Variants in SVIL observed in about 807,000 individuals in gnomAD.
SVIL encodes the protein supervillin.
SVIL carries 101 observed loss-of-function variants against 240.4 expected under a neutral mutation model. The ratio of observed to expected loss-of-function variants is 0.42; its 90% confidence interval spans 0.36 to 0.50. The LOEUF (loss-of-function observed/expected upper bound fraction) is 0.50. Ranked by LOEUF, SVIL falls within the 20% of genes least tolerant of loss-of-function variation. The probability of loss-of-function intolerance (pLI) is 0.01; values close to 1 mark genes in which losing one functional copy is unlikely to be tolerated. For missense variants in SVIL, 2,512 were observed against 2,818.7 expected (o/e 0.89, Z 2.46); for synonymous variants, 999 against 1,100.0 (o/e 0.91, Z 1.82).
intron 22 of SVIL, among the ~76,000 whole-genome samples, chr10:29,490,466 A>G (rs906360255): frequency 5.3e-5 from 8 of 152,062 alleles, no homozygotes; most frequent in Non-Finnish European, 7.4e-5. Context: ...GGTAATTTGT[A>G]ACCGGGTGCG....
At chr10:29,654,687 T>G (rs375226906) in intron 3 of SVIL, among the ~76,000 whole-genome samples, 14 of 152,238 alleles carry the variant, frequency 9.2e-5, no homozygotes, top group African/African-American at 2.9e-4. Flanking sequence ...CCACAACCGG[T>G]TGTCCTCAAG....
chr10:29,493,427 T>C (rs761880347), intron 20 of SVIL, 36 bp from the exon 21 acceptor site: 4 of 1,608,980 alleles, frequency 2.5e-6, no homozygotes, highest in African/African-American at 1.3e-5. Context: ...AAGAGTTTTA[T>C]AAAAACAAGG....
chr10:29,572,813 T>G (rs1564659817), intron 1 of SVIL, among the ~76,000 whole-genome samples: 1 of 148,188 alleles, frequency 6.7e-6, no homozygotes, highest in Non-Finnish European at 1.5e-5. Context: ...AATAGAGAGA[T>G]AGGATGAAAT....
chr10:29,543,230 C>A (rs542172835), intron 6 of SVIL, among the ~76,000 whole-genome samples: 2 of 152,220 alleles, frequency 1.3e-5, no homozygotes, highest in South Asian at 2.1e-4. Context: ...AGAGAAGTTA[C>A]CAAAACACAA....
rs4749434 is a variant in SVIL, at chr10:29,468,107, C to T, written c.5844-232G>A. Among the ~76,000 whole-genome samples, 42,672 of 152,024 alleles carry T rather than the reference C, an allele frequency of 0.28. 6,445 individuals carry two copies. The highest frequency in any genetic ancestry group is 0.54 in the East Asian group (2,796 of 5,170). ...CTCCCGGAAGAAGAAGCCCTGTACC[C>T]GTTAGCAGTCACTCCGCATTTCCCC... On this transcript the variant is annotated intron_variant, in intron 32 of 37. Transcript: ENST00000355867.
chr10:29,524,016 T>C lies in SVIL; in HGVS notation c.2598A>G (p.Gly866=), dbSNP rs1325349913. ...TLGEVEQVQS[G]KLIPFSPAVN... is the part of the protein sequence containing the mutation. ...CGGCAGGTGAGAAAGGAATGAGCTT[T>C]CCACTCTGCACCTGGAAGGACACAG... The change falls in exon 15 of 38, where the codon GGA becomes GGG. Residue 866 remains glycine, a synonymous_variant. Coordinates refer to ENST00000355867, the MANE Select transcript of SVIL (RefSeq NM_021738.3). 6 of 1,608,852 alleles carry C rather than the reference T, an allele frequency of 3.7e-6. No individual in the cohort carries two copies. The highest frequency in any genetic ancestry group is 1.3e-5 in the African/African-American group (1 of 74,690).
chr10:29,643,055 A>G (rs1049054020), intron 3 of SVIL, among the ~76,000 whole-genome samples: 5 of 152,176 alleles, frequency 3.3e-5, no homozygotes, highest in African/African-American at 7.2e-5. Flanking sequence ...AATTTGCAAT[A>G]TCCCTCCAGA....
intron 1 of SVIL, chr10:29,602,383 C>A (rs1386975235): frequency 2.0e-6 from 1 of 488,264 alleles, no homozygotes; most frequent in Non-Finnish European, 4.3e-6. Context: ...CTTGTCTCAC[C>A]CTCCCTTCTC....
chr10:29,516,098 G>A (rs1298736794), intron 16 of SVIL, among the ~76,000 whole-genome samples: 2 of 152,172 alleles, frequency 1.3e-5, no homozygotes, highest in African/African-American at 4.8e-5. Flanking sequence ...TAGAACATTA[G>A]CTGACCGGAC....
intron 31 of SVIL, among the ~76,000 whole-genome samples, chr10:29,470,764 G>T (rs527463636): frequency 1.3e-5 from 2 of 152,180 alleles, no homozygotes; most frequent in East Asian, 3.9e-4. Flanking sequence ...TATACAACAA[G>T]TTCTATAACA....
chr10:29,465,481 TG>T, intron 34 of SVIL, 113 bp downstream of exon 34: 1 of 1,331,904 alleles, frequency 7.5e-7, no homozygotes, highest in Non-Finnish European at 1.0e-6. Flanking sequence ...CTGGGTGCTC[TG>T]GGAATGTACT....
intron 1 of SVIL, among the ~76,000 whole-genome samples, chr10:29,584,563 C>T (rs928593512): frequency 5.3e-5 from 8 of 152,178 alleles, no homozygotes; most frequent in East Asian, 1.9e-4. Flanking sequence ...GTGGTTCTCC[C>T]ACTCAGCCCG....
intron 29 of SVIL, among the ~76,000 whole-genome samples, chr10:29,475,973 G>C (rs911648319): frequency 1.3e-5 from 2 of 152,184 alleles, no homozygotes; most frequent in African/African-American, 4.8e-5. Context: ...CTGTAACATA[G>C]GTTTCGTAAA....
chr10:29,600,684 TC>T (rs1367198900), intron 1 of SVIL, among the ~76,000 whole-genome samples: 1 of 152,118 alleles, frequency 6.6e-6, no homozygotes, highest in Admixed American at 6.6e-5. Flanking sequence ...ATTTTCTTAG[TC>T]CCAGAACATG....
At chr10:29,595,972 C>T (rs933417242) in intron 1 of SVIL, among the ~76,000 whole-genome samples, 1 of 152,194 alleles carries the variant, frequency 6.6e-6, no homozygotes, top group Non-Finnish European at 1.5e-5. Flanking sequence ...AGAGACCAGT[C>T]CCAACACTTT....
intron 1 of SVIL, among the ~76,000 whole-genome samples, chr10:29,691,075 A>T (rs1249161589): frequency 6.6e-6 from 1 of 152,206 alleles, no homozygotes. Flanking sequence ...AGACTAAAAG[A>T]ATATTTTTCC....
intron 1 of SVIL, among the ~76,000 whole-genome samples, chr10:29,625,708 CG>C (rs1957836387): frequency 6.6e-6 from 1 of 152,140 alleles, no homozygotes; most frequent in African/African-American, 2.4e-5. Context: ...GTGATCCACC[CG>C]CCTTGGCCTC....
At chr10:29,489,412 T>G (rs949698401) in intron 22 of SVIL, among the ~76,000 whole-genome samples, 2 of 152,216 alleles carry the variant, frequency 1.3e-5, no homozygotes, top group African/African-American at 4.8e-5. Context: ...TGTGCCAACA[T>G]TTATTTCTCC....
intron 3 of SVIL, among the ~76,000 whole-genome samples, chr10:29,561,875 C>T (rs1412468569): frequency 2.6e-5 from 4 of 152,118 alleles, no homozygotes; most frequent in Admixed American, 1.3e-4. Context: ...ACCTGTATTC[C>T]GGCTGACAGC....
Sources: gnomAD v4.1 joint callset for allele counts (sites outside exome capture counted in the v4.1 genomes callset) on GRCh38, gnomAD v4.1.1 for gene constraint, MANE v1.5 for transcripts, NCBI Gene and HGNC (gene_info 2026-07-23, HGNC 2026-07-21) for gene names.